Variants in PCLO observed in about 807,000 individuals in gnomAD.
PCLO encodes the protein piccolo presynaptic cytomatrix protein.
Under a neutral mutation model 427.5 loss-of-function variants are expected in PCLO, and 82 were observed. That is an observed-to-expected ratio of 0.19 (90% confidence interval 0.16 to 0.23). The LOEUF (loss-of-function observed/expected upper bound fraction) is 0.23. Ranked by LOEUF, PCLO falls within the 10% of genes least tolerant of loss-of-function variation. The probability of loss-of-function intolerance (pLI) is 1.00; values close to 1 mark genes in which losing one functional copy is unlikely to be tolerated. For missense variants in PCLO, 6,239 were observed against 6,115.9 expected (o/e 1.02, Z -0.67); for synonymous variants, 2,357 against 2,155.4 (o/e 1.09, Z -2.59).
intron 22 of PCLO, among the ~76,000 whole-genome samples, chr7:82,793,198 G>T (rs1791143372): frequency 6.6e-6 from 1 of 151,988 alleles, no homozygotes; most frequent in Non-Finnish European, 1.5e-5. Context: ...ATATATTTTT[G>T]TTTTTGAAAT....
At chr7:82,885,766 A>G (rs1793613083) in intron 9 of PCLO, among the ~76,000 whole-genome samples, 1 of 150,732 alleles carries the variant, frequency 6.6e-6, no homozygotes, top group African/African-American at 2.5e-5. Flanking sequence ...ATCTCATTGG[A>G]TTTTAAAATA....
intron 10 of PCLO, chr7:82,868,247 G>C (rs1035181705): frequency 2.2e-5 from 10 of 456,242 alleles, no homozygotes; most frequent in Non-Finnish European, 4.0e-5. Context: ...TTCTTGCCTA[G>C]GAGCATTCTT....
At chr7:82,968,456 T>C (rs1250801087) in intron 3 of PCLO, among the ~76,000 whole-genome samples, 3 of 151,800 alleles carry the variant, frequency 2.0e-5, no homozygotes, top group Non-Finnish European at 4.4e-5. Flanking sequence ...ATCTATAACA[T>C]GGTTTTAAAA....
chr7:82,785,480 T>A (rs564659110), intron 22 of PCLO, among the ~76,000 whole-genome samples: 3 of 152,234 alleles, frequency 2.0e-5, no homozygotes, highest in African/African-American at 7.2e-5. Context: ...GCTTTCAAAG[T>A]TATAAGCTAA....
intron 6 of PCLO, among the ~76,000 whole-genome samples, chr7:82,948,019 A>G (rs1350288378): frequency 6.6e-5 from 10 of 152,180 alleles, no homozygotes; most frequent in Non-Finnish European, 1.5e-4. Context: ...CTTTGAAAAT[A>G]CTGCCAAAAA....
intron 3 of PCLO, among the ~76,000 whole-genome samples, chr7:82,997,823 T>C (rs1462618809): frequency 6.6e-6 from 1 of 152,070 alleles, no homozygotes; most frequent in Non-Finnish European, 1.5e-5. Flanking sequence ...GATTCATGTA[T>C]ATTTTTCTAT....
At chr7:83,018,286 T>C (rs1356914256) in intron 3 of PCLO, among the ~76,000 whole-genome samples, 2 of 151,940 alleles carry the variant, frequency 1.3e-5, no homozygotes, top group Non-Finnish European at 2.9e-5. Context: ...TATAAACATA[T>C]ATAAAGAATG....
At chr7:83,073,614 CT>C (rs1789872275) in intron 3 of PCLO, among the ~76,000 whole-genome samples, 1 of 151,830 alleles carries the variant, frequency 6.6e-6, no homozygotes, top group Non-Finnish European at 1.5e-5. Context: ...TATCTTGTTA[CT>C]TTGTTGTAAG....
At chr7:82,911,038 T>C (rs1371211668) in intron 7 of PCLO, among the ~76,000 whole-genome samples, 2 of 152,134 alleles carry the variant, frequency 1.3e-5, no homozygotes, top group Non-Finnish European at 2.9e-5. Flanking sequence ...TATATAACTT[T>C]CTTAATTGCA....
intron 3 of PCLO, among the ~76,000 whole-genome samples, chr7:83,035,486 TAAAA>T (rs966277157): frequency 2.0e-5 from 3 of 151,878 alleles, no homozygotes; most frequent in Non-Finnish European, 4.4e-5. Context: ...TTTAACCTAA[TAAAA>T]AAAAGATAAT....
Position 83,162,378 on chromosome 7 carries a change from G to C in PCLO, c.215C>G (p.Pro72Arg), listed in dbSNP as rs1304077171. The change falls in exon 1 of 25, where the codon CCC becomes CGC. Residue 72 changes from proline (P) to arginine (R), a missense_variant. Physicochemically the swap from Pro to Arg is moderately radical, Grantham distance 103. Coordinates refer to ENST00000333891, the MANE Select transcript of PCLO (RefSeq NM_033026.6). ...RAQGLPKGSV[P>R]PAAAESPSMH... ...GGAAGGCGACTCCGCAGCGGCCGGG[G>C]GGACGCTTCCCTTGGGCAGCCCCTG... 1 of 1,600,494 alleles carries C rather than the reference G, an allele frequency of 6.2e-7. No individual in the cohort carries two copies. The highest frequency in any genetic ancestry group is 8.5e-7 in the Non-Finnish European group (1 of 1,173,572).
At chr7:82,810,584 A>AG (rs934208833) in intron 20 of PCLO, among the ~76,000 whole-genome samples, 2 of 151,718 alleles carry the variant, frequency 1.3e-5, no homozygotes, top group African/African-American at 4.8e-5. Context: ...CAATTAATTG[A>AG]GGGGGCATTT....
intron 22 of PCLO, among the ~76,000 whole-genome samples, chr7:82,775,655 G>C (rs1790734255): frequency 6.6e-6 from 1 of 152,112 alleles, no homozygotes; most frequent in Admixed American, 6.6e-5. Context: ...TTTTTTCCCA[G>C]ATTGTGGGGC....
At chr7:83,033,088 T>C (rs1788711434) in intron 3 of PCLO, among the ~76,000 whole-genome samples, 1 of 152,128 alleles carries the variant, frequency 6.6e-6, no homozygotes, top group Non-Finnish European at 1.5e-5. Context: ...GTAAGAAGGT[T>C]GCTGCTTCCC....
At chr7:82,876,243 T>TA (rs1793366652) in intron 10 of PCLO, among the ~76,000 whole-genome samples, 1 of 151,916 alleles carries the variant, frequency 6.6e-6, no homozygotes, top group East Asian at 1.9e-4. Context: ...CAAATACATT[T>TA]AAAAAATCAA....
rs1030344056 is a variant in PCLO, at chr7:82,952,466, T to C, written c.8487A>G (p.Ser2829=). 6.2e-7 allele frequency: 1 copy of C among 1,613,798 alleles called. No homozygotes were observed. Among genetic ancestry groups the C allele is most frequent in the African/African-American group, 1.3e-5 (1 of 74,916 alleles). Residue 2829 remains serine, a synonymous_variant, in exon 5 of 25, where the codon TCA becomes TCG. Coordinates refer to ENST00000333891, the MANE Select transcript of PCLO (RefSeq NM_033026.6). ...AMTTPLQLTT[S]KHAEPPYRIP... is the part of the protein sequence containing the mutation. Reference sequence around the variant, plus strand: ...TCCTGTATGGGGGCTCAGCATGCTTTGATGTTGTAAGTTGGAGTGGTGTTG... The same window carrying C: ...TCCTGTATGGGGGCTCAGCATGCTTCGATGTTGTAAGTTGGAGTGGTGTTG...
intron 6 of PCLO, among the ~76,000 whole-genome samples, chr7:82,922,134 G>T (rs145945027): frequency 1.7e-3 from 251 of 152,042 alleles, no homozygotes; most frequent in African/African-American, 5.9e-3. Context: ...AAACACTCCT[G>T]GTGGAAGTGT....
chr7:82,979,137 C>T (rs1265129301), intron 3 of PCLO, among the ~76,000 whole-genome samples: 1 of 152,022 alleles, frequency 6.6e-6, no homozygotes, highest in Non-Finnish European at 1.5e-5. Flanking sequence ...AGAAGTTATT[C>T]CTTTTCCTGT....
chr7:82,907,308 C>A lies in PCLO; in HGVS notation c.13437+1569G>T, dbSNP rs533118787. On this transcript the variant is annotated intron_variant, in intron 8 of 24. Transcript: ENST00000333891. Reference sequence around the variant, plus strand: ...GATTTTGTTAAAGTATCTGTGTTTTCTTTGACTGGATCTAGGTTTGTGGGA... The same window carrying A: ...GATTTTGTTAAAGTATCTGTGTTTTATTTGACTGGATCTAGGTTTGTGGGA... 2.0e-4 allele frequency among the ~76,000 whole-genome samples: 31 copies of A among 151,972 alleles called. No homozygotes were observed. The South Asian group carries it at 6.2e-3, about 30-fold the overall frequency.
Sources: gnomAD v4.1 joint callset for allele counts (sites outside exome capture counted in the v4.1 genomes callset) on GRCh38, gnomAD v4.1.1 for gene constraint, MANE v1.5 for transcripts, NCBI Gene and HGNC (gene_info 2026-07-23, HGNC 2026-07-21) for gene names.